The following POR variants were observed in gnomAD, a reference collection of about 807,000 sequenced individuals.
The protein encoded by POR is NADPH--cytochrome P450 reductase.
Under a neutral mutation model 84.0 loss-of-function variants are expected in POR, and 56 were observed. The observed-to-expected ratio is 0.67, with a 90% CI of 0.54 to 0.83. The LOEUF (loss-of-function observed/expected upper bound fraction) is 0.83, where lower values mean the gene tolerates loss of function less well. Among genes scored for constraint, POR ranks in the 40% least tolerant of loss-of-function variants. POR has a pLI of 0.00. For missense variants in POR, 938 were observed against 944.3 expected, an observed-to-expected ratio of 0.99 and a Z score of 0.09; for synonymous variants, 414 against 400.5, an observed-to-expected ratio of 1.03 and a Z score of -0.40.
chr7:75,944,161 G>C (rs975003203), intron 1 of POR, among the ~76,000 whole-genome samples: 1 of 152,152 alleles, frequency 6.6e-6, no homozygotes, highest in Non-Finnish European at 1.5e-5. Flanking sequence ...CCAGGAGGGA[G>C]ACTGAATCTC....
At chr7:75,980,081 T>G (rs1477994044) in intron 4 of POR, among the ~76,000 whole-genome samples, 5 of 152,172 alleles carry the variant, frequency 3.3e-5, no homozygotes, top group African/African-American at 1.2e-4. Context: ...GATGGCTCTT[T>G]TGTGCCAAGC....
At chr7:75,956,636 G>A (rs1426352185) in intron 2 of POR, among the ~76,000 whole-genome samples, 1 of 152,144 alleles carries the variant, frequency 6.6e-6, no homozygotes, top group Non-Finnish European at 1.5e-5. Flanking sequence ...TGTTTGCGTT[G>A]ATCGTATTTC....
chr7:75,946,276 G>C (rs782811701), intron 1 of POR, among the ~76,000 whole-genome samples: 2 of 151,918 alleles, frequency 1.3e-5, no homozygotes, highest in Non-Finnish European at 1.5e-5. Context: ...ATTCTGACAT[G>C]TGCCTTTTTC....
At chr7:75,983,405 T>C (rs1789180328) in intron 8 of POR, 115 bp from the exon 9 acceptor site, 1 of 726,958 alleles carries the variant, frequency 1.4e-6, no homozygotes, top group African/African-American at 1.8e-5. Flanking sequence ...CGGTGAGATT[T>C]CCTCATGGAG....
At chr7:75,981,282 T>C in intron 6 of POR, 110 bp downstream of exon 6, 1 of 1,421,418 alleles carries the variant, frequency 7.0e-7, no homozygotes, top group Non-Finnish European at 9.3e-7. Flanking sequence ...GACACGCACC[T>C]CCAACACAGA....
intron 1 of POR, among the ~76,000 whole-genome samples, chr7:75,935,840 T>C (rs1807649754): frequency 6.6e-6 from 1 of 151,858 alleles, no homozygotes; most frequent in Admixed American, 6.6e-5. Flanking sequence ...TGACCCAGCC[T>C]CGTGTGACAC....
chr7:75,984,292 C>CGGGGCTGCCTGGGCCTGGT (rs1371643576), intron 10 of POR, among the ~76,000 whole-genome samples: 10 of 152,306 alleles, frequency 6.6e-5, no homozygotes, highest in Admixed American at 6.5e-4. Flanking sequence ...AGCCATTACG[C>CGGGGCTGCCTGGGCCTGGT]GGGGCTGCCT....
chr7:75,916,932 A>G (rs1038293350), intron 1 of POR, among the ~76,000 whole-genome samples: 38 of 152,158 alleles, frequency 2.5e-4, no homozygotes, highest in African/African-American at 8.7e-4. Context: ...ACCCCTTGAA[A>G]ATCAGAATCT....
At position 75,976,842 on chromosome 7, in the gene POR, G is replaced by GT. The variant is rs200645571; in HGVS notation, c.238-2601dup. On this transcript the variant is annotated intron_variant, in intron 3 of 15. Coordinates refer to ENST00000461988, the MANE Select transcript of POR (RefSeq NM_000941.3). Reference sequence around the variant, plus strand: ...TAAGAACATTTATTGTAATCCCTAAGTTTTTTTTGGTGGTGGTTTTGTTTT... The same window carrying GT: ...TAAGAACATTTATTGTAATCCCTAAGTTTTTTTTTGGTGGTGGTTTTGTTTT... Among the ~76,000 whole-genome samples, 471 of 151,946 alleles carry GT rather than the reference G, an allele frequency of 3.1e-3. 1 individual carries two copies. In the Middle Eastern group the frequency reaches 0.034, roughly 11 times the overall value.
intron 2 of POR, among the ~76,000 whole-genome samples, chr7:75,954,763 A>G (rs1344059053): frequency 2.0e-5 from 3 of 148,746 alleles, no homozygotes; most frequent in Non-Finnish European, 4.4e-5. Flanking sequence ...TCTGGAGTAC[A>G]GCGGTGCGAT....
chr7:75,926,379 CT>C (rs1807127113), intron 1 of POR, among the ~76,000 whole-genome samples: 3 of 152,138 alleles, frequency 2.0e-5, no homozygotes, highest in Admixed American at 6.6e-5. Flanking sequence ...GCCACGAGGT[CT>C]TAGAAAGCAG....
intron 12 of POR, 22 bp downstream of exon 12, chr7:75,985,229 C>T (rs1337705834): frequency 1.8e-5 from 28 of 1,569,688 alleles, no homozygotes; most frequent in Non-Finnish European, 2.3e-5. Context: ...CACTGCCCTG[C>T]CAGCCACACG....
chr7:75,981,202 C>G (rs968247980), intron 6 of POR, 30 bp downstream of exon 6: 19 of 1,510,036 alleles, frequency 1.3e-5, no homozygotes, highest in Non-Finnish European at 1.6e-5. Flanking sequence ...CCATGATCAG[C>G]GCGGCGGGCT....
intron 8 of POR, 87 bp downstream of exon 8, chr7:75,982,409 C>T: frequency 9.1e-7 from 1 of 1,104,066 alleles, no homozygotes; most frequent in Non-Finnish European, 1.3e-6. Flanking sequence ...CCCCATATCC[C>T]CACAGGGCCC....
intron 1 of POR, among the ~76,000 whole-genome samples, chr7:75,920,314 C>T (rs1055590868): frequency 6.6e-6 from 1 of 151,972 alleles, no homozygotes; most frequent in Non-Finnish European, 1.5e-5. Context: ...AAGTGATCCA[C>T]CCGCCTCAGC....
intron 5 of POR, 73 bp from the exon 6 acceptor site, chr7:75,980,975 G>T: frequency 1.4e-6 from 2 of 1,472,516 alleles, no homozygotes; most frequent in South Asian, 1.4e-5. Context: ...GGGGCCTCCC[G>T]CCCTGCCCCC....
intron 1 of POR, among the ~76,000 whole-genome samples, chr7:75,948,364 G>A (rs1424406597): frequency 6.6e-6 from 1 of 152,204 alleles, no homozygotes; most frequent in African/African-American, 2.4e-5. Context: ...GGGCTGGGGG[G>A]CACTCAGGGC....
intron 2 of POR, among the ~76,000 whole-genome samples, chr7:75,966,263 A>C (rs1788177771): frequency 6.6e-6 from 1 of 152,092 alleles, no homozygotes; most frequent in South Asian, 2.1e-4. Context: ...AGCTGTCTCC[A>C]GCAGCTGCCC....
chr7:75,983,718 A>G lies in POR; in HGVS notation c.948-20A>G, dbSNP rs952447160. On this transcript the variant is annotated intron_variant, in intron 9 of 15. Coordinates refer to ENST00000461988, the MANE Select transcript of POR (RefSeq NM_000941.3). ...CAGGGCCAGCCTTCCGCCCCTCCCG[A>G]GCCTCACATCTCCCTCCAGGTATGA... 1.2e-6 allele frequency: 2 copies of G among 1,610,676 alleles called. No homozygotes were observed. The highest frequency in any genetic ancestry group is 1.7e-6 in the Non-Finnish European group (2 of 1,178,228).
Sources: allele counts gnomAD v4.1 joint callset (sites outside exome capture counted in the v4.1 genomes callset), GRCh38; gene constraint gnomAD v4.1.1; transcripts MANE v1.5; gene names NCBI Gene and HGNC (gene_info 2026-07-23, HGNC 2026-07-21).